Variants in CACNB4 observed in about 807,000 individuals in gnomAD.
CACNB4 encodes voltage-dependent L-type calcium channel subunit beta-4.
CACNB4 carries 32 observed loss-of-function variants against 71.2 expected under a neutral mutation model. The ratio of observed to expected loss-of-function variants is 0.45; its 90% CI spans 0.34 to 0.60. The LOEUF (loss-of-function observed/expected upper bound fraction) is 0.60. Among genes scored for constraint, CACNB4 ranks in the 20% least tolerant of loss-of-function variants. The pLI is 0.01. For synonymous variants in CACNB4, 231 were observed against 236.9 expected (o/e 0.97, Z 0.23); for missense variants, 464 against 647.9 (o/e 0.72, Z 3.08).
chr2:151,982,686 G>T (rs1460929155), intron 2 of CACNB4, among the ~76,000 whole-genome samples: 1 of 152,006 alleles, frequency 6.6e-6, no homozygotes, highest in African/African-American at 2.4e-5. Flanking sequence ...TTTGGATGTG[G>T]TGCTGATGAA....
chr2:151,839,790 C>G (rs893737191), intron 13 of CACNB4, among the ~76,000 whole-genome samples: 1 of 152,264 alleles, frequency 6.6e-6, no homozygotes, highest in African/African-American at 2.4e-5. Context: ...TAATCTTTCT[C>G]CTTCTAAAGT....
At chr2:151,923,604 A>C (rs1001884876) in intron 2 of CACNB4, among the ~76,000 whole-genome samples, 1 of 152,222 alleles carries the variant, frequency 6.6e-6, no homozygotes, top group Non-Finnish European at 1.5e-5. Flanking sequence ...ACAAAATATC[A>C]GTCTTGGCCA....
At chr2:151,944,027 CTTT>C (rs377579759) in intron 2 of CACNB4, among the ~76,000 whole-genome samples, 14 of 134,870 alleles carry the variant, frequency 1.0e-4, no homozygotes, top group Admixed American at 1.5e-4. Context: ...TACTTTCTTT[CTTT>C]TTTTTTTTTT....
At chr2:151,898,156 TAAC>T (rs1235843896) in intron 2 of CACNB4, among the ~76,000 whole-genome samples, 1 of 152,168 alleles carries the variant, frequency 6.6e-6, no homozygotes. Context: ...TGTTTGGGAA[TAAC>T]AAGAAGACAG....
intron 2 of CACNB4, among the ~76,000 whole-genome samples, chr2:151,933,652 C>T (rs531445897): frequency 6.6e-6 from 1 of 152,172 alleles, no homozygotes; most frequent in Non-Finnish European, 1.5e-5. Flanking sequence ...CAGGCTCCCC[C>T]TCACAGGCCC....
chr2:151,976,446 C>CT (rs34477356), intron 2 of CACNB4, among the ~76,000 whole-genome samples: 1 of 152,284 alleles, frequency 6.6e-6, no homozygotes, highest in Admixed American at 6.5e-5. Context: ...AGAGAAGTCA[C>CT]TTTTTTGGGG....
chr2:152,056,304 T>C (rs1685724481), intron 2 of CACNB4, among the ~76,000 whole-genome samples: 1 of 149,876 alleles, frequency 6.7e-6, no homozygotes, highest in South Asian at 2.1e-4. Flanking sequence ...GAGCTTGCAG[T>C]GAGCCAAGAT....
chr2:152,095,350 C>A (rs568762293), intron 2 of CACNB4, among the ~76,000 whole-genome samples: 3 of 152,238 alleles, frequency 2.0e-5, no homozygotes, highest in Non-Finnish European at 4.4e-5. Flanking sequence ...TTTTAACAAG[C>A]TCAAAGAACA....
intron 9 of CACNB4, chr2:151,867,162 T>C (rs2099843375): frequency 6.6e-6 from 1 of 152,216 alleles, no homozygotes; most frequent in African/African-American, 2.4e-5. Flanking sequence ...GCCAGTGGAT[T>C]CGGCACTGCT....
At chr2:152,045,492 G>A (rs1237795587) in intron 2 of CACNB4, among the ~76,000 whole-genome samples, 2 of 152,194 alleles carry the variant, frequency 1.3e-5, no homozygotes, top group Non-Finnish European at 2.9e-5. Flanking sequence ...GAGACAGAAA[G>A]TAGAAGAGTG....
At chr2:152,045,515 T>C (rs528795452) in intron 2 of CACNB4, among the ~76,000 whole-genome samples, 1 of 152,248 alleles carries the variant, frequency 6.6e-6, no homozygotes, top group South Asian at 2.1e-4. Context: ...CACCAGGAGC[T>C]GGGAGGAGGA....
chr2:151,976,057 G>C (rs550494528), intron 2 of CACNB4, among the ~76,000 whole-genome samples: 1 of 152,320 alleles, frequency 6.6e-6, no homozygotes, highest in African/African-American at 2.4e-5. Context: ...GAGCAGGGGC[G>C]CACTTTACGG....
chr2:152,089,997 A>C (rs1687882388), intron 2 of CACNB4, among the ~76,000 whole-genome samples: 1 of 152,178 alleles, frequency 6.6e-6, no homozygotes. Context: ...ATGTCTGTAG[A>C]GTCTTCATGA....
intron 12 of CACNB4, chr2:151,851,807 A>G (rs1157968775): frequency 6.6e-6 from 1 of 152,212 alleles, no homozygotes; most frequent in African/African-American, 2.4e-5. Flanking sequence ...TCCTTATAAG[A>G]TTGTTCCAAA....
intron 2 of CACNB4, among the ~76,000 whole-genome samples, chr2:152,005,555 T>G (rs577366135): frequency 6.6e-6 from 1 of 152,284 alleles, no homozygotes; most frequent in Admixed American, 6.5e-5. Flanking sequence ...AACTTCCTAT[T>G]GGGTACTATG....
At chr2:151,966,340 C>T (rs1426599624) in intron 2 of CACNB4, among the ~76,000 whole-genome samples, 2 of 151,990 alleles carry the variant, frequency 1.3e-5, no homozygotes, top group Non-Finnish European at 2.9e-5. Flanking sequence ...AGTGTAATGG[C>T]GTGATCTTGG....
chr2:152,091,106 G>T (rs1444458959), intron 2 of CACNB4, among the ~76,000 whole-genome samples: 2 of 151,746 alleles, frequency 1.3e-5, no homozygotes, highest in African/African-American at 4.8e-5. Flanking sequence ...TCAGACATAA[G>T]TAAAAATGAC....
intron 2 of CACNB4, among the ~76,000 whole-genome samples, chr2:151,995,670 C>T (rs1488191730): frequency 6.6e-6 from 1 of 152,214 alleles, no homozygotes; most frequent in African/African-American, 2.4e-5. Flanking sequence ...GATCACGCCA[C>T]TGCACCCCAG....
rs1306967194 is a variant in CACNB4 at position 151,891,502 on chromosome 2, G to A, written c.148-8132C>T. Among the ~76,000 whole-genome samples, 4 of 152,162 alleles carry A rather than the reference G, an allele frequency of 2.6e-5. No homozygotes were observed. In the East Asian group the frequency reaches 5.8e-4, roughly 22 times the overall value. On this transcript the variant is annotated intron_variant, in intron 2 of 13. Transcript: ENST00000539935. ...GCAAACATTGCAATTGTAATTTCAC[G>A]TGGTTCAACATATACATTGGGAAAG...
Sources: gnomAD v4.1 joint callset for allele counts (sites outside exome capture counted in the v4.1 genomes callset) on GRCh38, gnomAD v4.1.1 for gene constraint, MANE v1.5 for transcripts, NCBI Gene and HGNC (gene_info 2026-07-23, HGNC 2026-07-21) for gene names.